Variants in SLC10A7 observed in about 807,000 individuals in gnomAD.
SLC10A7 encodes the protein sodium/bile acid cotransporter 7.
A neutral mutation model predicts 43.2 loss-of-function variants in SLC10A7; 29 were observed. That is an observed-to-expected ratio of 0.67 (90% CI 0.50 to 0.92). SLC10A7 has a LOEUF of 0.92. Among genes scored for constraint, SLC10A7 ranks in the 40% least tolerant of loss-of-function variants. The probability of loss-of-function intolerance (pLI) is 0.00; values close to 1 mark genes in which losing one functional copy is unlikely to be tolerated. For missense variants in SLC10A7, 295 were observed against 403.2 expected (o/e 0.73, Z 2.30); for synonymous variants, 152 against 144.8 (o/e 1.05, Z -0.35).
intron 4 of SLC10A7, among the ~76,000 whole-genome samples, chr4:146,467,562 C>CTT (rs397995707): frequency 0.45 from 41,681 of 92,738 alleles, 12,923 homozygotes; most frequent in South Asian, 0.53. Flanking sequence ...TTCTTTCTCT[C>CTT]TTTTTTTTTT....
At chr4:146,398,724 G>C (rs765964619) in intron 5 of SLC10A7, among the ~76,000 whole-genome samples, 1 of 152,154 alleles carries the variant, frequency 6.6e-6, no homozygotes, top group Non-Finnish European at 1.5e-5. Context: ...TCCTGAAAAA[G>C]GAGAAAAGAA....
chr4:146,380,444 C>T (rs189568386), intron 5 of SLC10A7, among the ~76,000 whole-genome samples: 57 of 152,194 alleles, frequency 3.7e-4, no homozygotes, highest in African/African-American at 1.2e-3. Flanking sequence ...ATGTGCAAAC[C>T]ACTATATTTA....
chr4:146,280,846 A>G (rs913828231), intron 10 of SLC10A7, among the ~76,000 whole-genome samples: 2 of 152,174 alleles, frequency 1.3e-5, no homozygotes, highest in Non-Finnish European at 1.5e-5. Flanking sequence ...GGATGACAGA[A>G]TATTGGAGCT....
chr4:146,450,996 C>G (rs1731532006), intron 4 of SLC10A7, among the ~76,000 whole-genome samples: 1 of 150,784 alleles, frequency 6.6e-6, no homozygotes, highest in Non-Finnish European at 1.5e-5. Flanking sequence ...AGGGAAGCAA[C>G]TGGATTTTTT....
chr4:146,274,395 G>C (rs1398630484), intron 10 of SLC10A7, among the ~76,000 whole-genome samples: 1 of 151,822 alleles, frequency 6.6e-6, no homozygotes, highest in African/African-American at 2.4e-5. Flanking sequence ...GTAGAGACAG[G>C]GTTTCACCAT....
chr4:146,475,368 C>G (rs901016246), intron 4 of SLC10A7, among the ~76,000 whole-genome samples: 3 of 152,062 alleles, frequency 2.0e-5, no homozygotes, highest in African/African-American at 7.2e-5. Context: ...TAAAACGTTT[C>G]CTGTCAACCA....
intron 5 of SLC10A7, among the ~76,000 whole-genome samples, chr4:146,335,836 TTTA>T (rs1560809851): frequency 6.6e-6 from 1 of 152,078 alleles, no homozygotes; most frequent in East Asian, 1.9e-4. Context: ...TAACTCATAA[TTTA>T]TTTACTCTCT....
intron 5 of SLC10A7, among the ~76,000 whole-genome samples, chr4:146,335,579 C>T (rs1414729790): frequency 6.6e-6 from 1 of 152,022 alleles, no homozygotes; most frequent in Admixed American, 6.6e-5. Flanking sequence ...AGAGAACTGT[C>T]GCCCAACAGA....
At chr4:146,480,226 C>A (rs2149983588) in intron 4 of SLC10A7, among the ~76,000 whole-genome samples, 1 of 151,924 alleles carries the variant, frequency 6.6e-6, no homozygotes, top group South Asian at 2.1e-4. Flanking sequence ...TAATTCAATA[C>A]CTACTAGATA....
At chr4:146,359,302 G>A (rs1735879350) in intron 5 of SLC10A7, among the ~76,000 whole-genome samples, 1 of 152,124 alleles carries the variant, frequency 6.6e-6, no homozygotes, top group South Asian at 2.1e-4. Flanking sequence ...AAGGATGTGT[G>A]TATTCTAAAT....
At chr4:146,429,908 G>A (rs376520125) in intron 5 of SLC10A7, among the ~76,000 whole-genome samples, 3 of 151,996 alleles carry the variant, frequency 2.0e-5, no homozygotes, top group Non-Finnish European at 1.5e-5. Context: ...ATGGACAAAC[G>A]TGACATACAT....
At chr4:146,286,907 G>A (rs1730028342) in intron 9 of SLC10A7, among the ~76,000 whole-genome samples, 2 of 151,636 alleles carry the variant, frequency 1.3e-5, no homozygotes, top group African/African-American at 4.9e-5. Context: ...GTGGTGAGAA[G>A]GACTGAACTT....
intron 6 of SLC10A7, among the ~76,000 whole-genome samples, chr4:146,306,367 T>C (rs1443734225): frequency 6.6e-6 from 1 of 152,138 alleles, no homozygotes; most frequent in Non-Finnish European, 1.5e-5. Context: ...TCTGTAGATA[T>C]CTAAAATAAA....
chr4:146,324,622 C>G (rs1732978132), intron 6 of SLC10A7, among the ~76,000 whole-genome samples: 1 of 152,128 alleles, frequency 6.6e-6, no homozygotes, highest in Non-Finnish European at 1.5e-5. Context: ...AAGTGGGGAC[C>G]TCAGACAGGC....
At chr4:146,427,676 A>C (rs1455698083) in intron 5 of SLC10A7, among the ~76,000 whole-genome samples, 1 of 152,216 alleles carries the variant, frequency 6.6e-6, no homozygotes, top group Admixed American at 6.5e-5. Context: ...AATGAAGAAA[A>C]GAGGGAAAAG....
At chr4:146,432,473 C>T (rs1374792366) in intron 5 of SLC10A7, among the ~76,000 whole-genome samples, 3 of 151,968 alleles carry the variant, frequency 2.0e-5, no homozygotes, top group African/African-American at 7.3e-5. Flanking sequence ...AAAGTGTATT[C>T]TAAGTGATAG....
At chr4:146,308,908 C>T (rs1320353580) in intron 6 of SLC10A7, among the ~76,000 whole-genome samples, 1 of 152,146 alleles carries the variant, frequency 6.6e-6, no homozygotes, top group Admixed American at 6.6e-5. Context: ...TCTTTGCATT[C>T]AATCATTCAA....
intron 10 of SLC10A7, among the ~76,000 whole-genome samples, chr4:146,264,742 G>A (rs1321519670): frequency 2.0e-5 from 3 of 152,082 alleles, no homozygotes; most frequent in African/African-American, 4.8e-5. Context: ...CCCAAAGTTC[G>A]GGGATCATCT....
intron 10 of SLC10A7, among the ~76,000 whole-genome samples, chr4:146,281,374 A>G (rs1225894048): frequency 4.0e-5 from 6 of 151,688 alleles, no homozygotes; most frequent in Admixed American, 3.3e-4. Context: ...CCTTAAAAGT[A>G]TCCCAGAACT....
Sources: allele counts gnomAD v4.1 joint callset (sites outside exome capture counted in the v4.1 genomes callset), GRCh38; gene constraint gnomAD v4.1.1; transcripts MANE v1.5; gene names NCBI Gene and HGNC (gene_info 2026-07-23, HGNC 2026-07-21).